PRKG1: variants seen among roughly 807,000 people sequenced by gnomAD.
PRKG1 encodes the protein protein kinase cGMP-dependent 1.
A neutral mutation model predicts 88.1 loss-of-function variants in PRKG1; 35 were observed. The ratio of observed to expected loss-of-function variants is 0.40; its 90% confidence interval spans 0.30 to 0.53. The LOEUF (loss-of-function observed/expected upper bound fraction) is 0.53. PRKG1 is among the 20% of genes least tolerant of loss of function. The pLI, the probability that PRKG1 is intolerant of heterozygous loss-of-function variation, is 0.59. For synonymous variants in PRKG1, 303 were observed against 292.5 expected (o/e 1.04, Z -0.37); for missense variants, 540 against 839.8 (o/e 0.64, Z 4.41).
intron 3 of PRKG1, 130 bp downstream of exon 3, chr10:51,467,966 A>T (rs770343227): frequency 6.6e-6 from 5 of 753,106 alleles, no homozygotes; most frequent in Non-Finnish European, 1.1e-5. Flanking sequence ...TTGCCCTGCA[A>T]TATAGCTGAT....
In PRKG1 at chr10:51,993,857, C is replaced by G. The variant is rs1844372379; in HGVS notation, c.763-60627C>G. Among the ~76,000 whole-genome samples, 4 of 152,142 alleles carry G rather than the reference C, an allele frequency of 2.6e-5. No homozygotes were observed. The South Asian group carries it at 8.3e-4, about 32-fold the overall frequency. ...TCAAAACCACCTTTATAAACATTAA[C>G]TCTAACCCCAACTTCAGGACTCTCT... On this transcript the variant is annotated intron_variant, in intron 5 of 17. Coordinates refer to ENST00000373980, the MANE Select transcript of PRKG1 (RefSeq NM_006258.4).
At chr10:51,868,429 T>C (rs1045850915) in intron 4 of PRKG1, among the ~76,000 whole-genome samples, 3 of 152,188 alleles carry the variant, frequency 2.0e-5, no homozygotes, top group African/African-American at 7.2e-5. Context: ...TAGCATTGTT[T>C]GTGGCAAAGA....
At chr10:51,719,849 AGCTTC>A (rs1841970809) in intron 3 of PRKG1, among the ~76,000 whole-genome samples, 1 of 152,212 alleles carries the variant, frequency 6.6e-6, no homozygotes, top group Non-Finnish European at 1.5e-5. Context: ...AGAGGATTCT[AGCTTC>A]TCTGTGATGA....
intron 3 of PRKG1, among the ~76,000 whole-genome samples, chr10:51,488,885 A>G (rs2132865538): frequency 6.6e-6 from 1 of 152,206 alleles, no homozygotes; most frequent in Middle Eastern, 3.4e-3. Flanking sequence ...CTGATATGTC[A>G]AGAGTGGACT....
chr10:51,009,580 G>C (rs1186052440), intron 1 of PRKG1, among the ~76,000 whole-genome samples: 1 of 152,168 alleles, frequency 6.6e-6, no homozygotes, highest in African/African-American at 2.4e-5. Context: ...TTAAGAGACA[G>C]CATGAGCTAG....
chr10:51,222,981 C>T (rs1025527051), intron 2 of PRKG1, among the ~76,000 whole-genome samples: 1 of 150,612 alleles, frequency 6.6e-6, no homozygotes, highest in Non-Finnish European at 1.5e-5. Flanking sequence ...ATATCCATCA[C>T]TGTAATTTGT....
intron 1 of PRKG1, among the ~76,000 whole-genome samples, chr10:51,128,142 T>C (rs1845476604): frequency 6.6e-6 from 1 of 151,964 alleles, no homozygotes; most frequent in Admixed American, 6.6e-5. Context: ...TTAAGAAAAA[T>C]TAAAATGCAA....
chr10:51,116,986 G>C (rs1845139741), intron 1 of PRKG1, among the ~76,000 whole-genome samples: 1 of 152,120 alleles, frequency 6.6e-6, no homozygotes, highest in African/African-American at 2.4e-5. Context: ...GAGGGAATGG[G>C]TAGATCTGAG....
At chr10:51,212,204 A>G (rs1016171619) in intron 2 of PRKG1, among the ~76,000 whole-genome samples, 1 of 152,010 alleles carries the variant, frequency 6.6e-6, no homozygotes, top group Non-Finnish European at 1.5e-5. Flanking sequence ...TGAGAAAAAC[A>G]AGCAATGGGG....
chr10:51,304,071 C>G (rs181612725), intron 2 of PRKG1, among the ~76,000 whole-genome samples: 1 of 152,076 alleles, frequency 6.6e-6, no homozygotes, highest in Admixed American at 6.6e-5. Context: ...CTGCCCACCT[C>G]GGCCTCCCAA....
At chr10:51,915,873 G>A (rs1049575679) in intron 5 of PRKG1, among the ~76,000 whole-genome samples, 3 of 152,082 alleles carry the variant, frequency 2.0e-5, no homozygotes, top group Non-Finnish European at 2.9e-5. Context: ...TTAGTCATTC[G>A]GGAAATGCAA....
intron 5 of PRKG1, among the ~76,000 whole-genome samples, chr10:51,970,764 T>TTA (rs199903368): frequency 1.1e-4 from 16 of 144,540 alleles, no homozygotes; most frequent in South Asian, 6.4e-4. Flanking sequence ...ATATATCAGA[T>TTA]TATATATATA....
At chr10:51,346,948 C>T (rs993649276) in intron 2 of PRKG1, among the ~76,000 whole-genome samples, 3 of 152,114 alleles carry the variant, frequency 2.0e-5, no homozygotes, top group African/African-American at 7.2e-5. Flanking sequence ...ATTTTACAGA[C>T]ATAGAATGGG....
intron 5 of PRKG1, among the ~76,000 whole-genome samples, chr10:51,998,056 G>A (rs967968673): frequency 2.0e-5 from 3 of 152,052 alleles, no homozygotes; most frequent in Non-Finnish European, 4.4e-5. Flanking sequence ...TATCATGTAA[G>A]GAATGTTCTC....
At chr10:51,253,725 G>A (rs953637934) in intron 2 of PRKG1, among the ~76,000 whole-genome samples, 4 of 151,904 alleles carry the variant, frequency 2.6e-5, no homozygotes, top group African/African-American at 7.2e-5. Context: ...TCAGCGAGGT[G>A]CAGAGGAGGC....
intron 3 of PRKG1, among the ~76,000 whole-genome samples, chr10:51,757,242 T>G (rs1342872407): frequency 1.3e-5 from 2 of 151,982 alleles, no homozygotes; most frequent in Non-Finnish European, 2.9e-5. Context: ...GCTGGGATTA[T>G]AGGGACCTGC....
chr10:52,188,204 A>G (rs1839248614), intron 9 of PRKG1, among the ~76,000 whole-genome samples: 1 of 64,858 alleles, frequency 1.5e-5, no homozygotes. Flanking sequence ...GTGTGTGTAT[A>G]TATATATGTG....
chr10:51,939,684 T>C (rs1189222137), intron 5 of PRKG1, among the ~76,000 whole-genome samples: 1 of 151,934 alleles, frequency 6.6e-6, no homozygotes, highest in African/African-American at 2.4e-5. Context: ...GTAAGTACTT[T>C]AGGGAGTAGA....
At chr10:52,076,623 C>T (rs932396749) in intron 7 of PRKG1, among the ~76,000 whole-genome samples, 1 of 152,128 alleles carries the variant, frequency 6.6e-6, no homozygotes, top group Non-Finnish European at 1.5e-5. Context: ...TTGACAAACA[C>T]TATTTAAAGT....
Sources: allele counts gnomAD v4.1 joint callset (sites outside exome capture counted in the v4.1 genomes callset), GRCh38; gene constraint gnomAD v4.1.1; transcripts MANE v1.5; gene names NCBI Gene and HGNC (gene_info 2026-07-23, HGNC 2026-07-21).